KDM2B: variants seen among roughly 807,000 people sequenced by gnomAD.
KDM2B encodes the protein lysine-specific demethylase 2B.
Under a neutral mutation model 150.0 loss-of-function variants are expected in KDM2B, and 26 were observed. The ratio of observed to expected loss-of-function variants is 0.17; its 90% CI spans 0.13 to 0.24. KDM2B has a LOEUF of 0.24. KDM2B is among the 10% of genes least tolerant of loss of function. KDM2B has a pLI of 1.00. For synonymous variants in KDM2B, 734 were observed against 729.5 expected (o/e 1.01, Z -0.10); for missense variants, 1,265 against 1,816.9 (o/e 0.70, Z 5.52).
chr12:121,512,971 C>T (rs1023830259), intron 10 of KDM2B, among the ~76,000 whole-genome samples: 1 of 152,266 alleles, frequency 6.6e-6, no homozygotes, highest in Non-Finnish European at 1.5e-5. Flanking sequence ...CGAGGATTCT[C>T]TGCTCTGTGG....
intron 12 of KDM2B, among the ~76,000 whole-genome samples, chr12:121,457,735 A>AACACACAC (rs1215362738): frequency 8.8e-6 from 1 of 113,028 alleles, no homozygotes; most frequent in African/African-American, 3.6e-5. Context: ...GAAGATCGGA[A>AACACACAC]ACATACACAC....
In KDM2B at chr12:121,467,142, AC is replaced by A. The variant is rs1555294982; in HGVS notation, c.1735-13799del. 1.8e-6 allele frequency: 2 copies of A among 1,117,126 alleles called. No individual in the cohort carries two copies. Among genetic ancestry groups the A allele is most frequent in the Admixed American group, 3.9e-5 (1 of 25,804 alleles). 69.2% of individuals were successfully genotyped at this position (1,117,126 alleles called of 1,614,324 possible). On this transcript the variant is annotated intron_variant, in intron 12 of 22. Transcript: ENST00000377071. This position sits in a 1 kb window ranked among gnomAD's most constrained non-coding sequence, Gnocchi z 5.1. ...TGCGGCGGGTCCCTCCCTCAGCCCC[AC>A]CCCGGGCCGCCGACCTGGTCCGGCT...
intron 9 of KDM2B, chr12:121,516,694 G>A (rs1201639237): frequency 1.4e-5 from 9 of 627,318 alleles, no homozygotes; most frequent in South Asian, 3.9e-5. Flanking sequence ...CCCACTCAGC[G>A]GCACCTGGCC....
At position 121,467,709 on chromosome 12, in the gene KDM2B, C is replaced by T. The variant is rs1041478681; in HGVS notation, c.1735-14365G>A. 3 of 152,004 alleles carry T rather than the reference C, an allele frequency of 2.0e-5. No individual in the cohort carries two copies. Among genetic ancestry groups the T allele is most frequent in the Admixed American group, 2.0e-4 (3 of 15,278 alleles). 9.4% of individuals were successfully genotyped at this position (152,004 alleles called of 1,614,324 possible). On this transcript the variant is annotated intron_variant, in intron 12 of 22. Transcript: ENST00000377071. The surrounding 1 kb of genome is among the most constrained non-coding windows in gnomAD (Gnocchi z 5.1). ...ATGCGCGCCCGGCCTGGGGTGGGGT[C>T]CTTTGTGTGGTCCCGTGGGGCGTCT...
At chr12:121,486,971 GATACAAAAAA>G (rs1178855277) in intron 12 of KDM2B, among the ~76,000 whole-genome samples, 1 of 151,186 alleles carries the variant, frequency 6.6e-6, no homozygotes, top group African/African-American at 2.4e-5. Context: ...AGACCCCCCC[GATACAAAAAA>G]TAAACAAAAT....
chr12:121,467,132 C>A lies in KDM2B; in HGVS notation c.1735-13788G>T. The A allele has an allele frequency of 8.9e-7, 1 of 1,119,776 alleles. No individual in the cohort carries two copies. The highest frequency in any genetic ancestry group is 4.1e-5 in the Admixed American group (1 of 24,370). The allele number at this position is 1,119,776 out of a possible 1,614,324, so 69.4% of individuals were successfully genotyped here. On this transcript the variant is annotated intron_variant, in intron 12 of 22. Transcript: ENST00000377071. This position sits in a 1 kb window ranked among gnomAD's most constrained non-coding sequence, Gnocchi z 5.1. ...CGGGAGGTCGTGCGGCGGGTCCCTC[C>A]CTCAGCCCCACCCCGGGCCGCCGAC...
chr12:121,492,608 T>C (rs1883477350), intron 12 of KDM2B, among the ~76,000 whole-genome samples: 1 of 151,752 alleles, frequency 6.6e-6, no homozygotes, highest in Admixed American at 6.6e-5. Flanking sequence ...GCACCAGGCC[T>C]GTAATAAGTG....
chr12:121,494,434 C>CA, intron 12 of KDM2B, 145 bp downstream of exon 12: 1 of 601,614 alleles, frequency 1.7e-6, no homozygotes, highest in Non-Finnish European at 2.9e-6. Flanking sequence ...AAACATGGAA[C>CA]AAATCACCAA....
chr12:121,450,598 GCC>G (rs1566278847), intron 13 of KDM2B, among the ~76,000 whole-genome samples: 2 of 151,814 alleles, frequency 1.3e-5, no homozygotes, highest in African/African-American at 2.4e-5. Context: ...GGTGGCTCAC[GCC>G]TGTAATCCCA....
At position 121,437,260 on chromosome 12, in the gene KDM2B, A is replaced by G. The variant is rs113270169; in HGVS notation, c.3829+2597T>C. ...TTCAATTCTGTTGTACCATTTGCAT[A>G]GAAACTAAGCAAAATGAGGCAATTA... On this transcript the variant is annotated intron_variant, in intron 22 of 22. Coordinates refer to ENST00000377071, the MANE Select transcript of KDM2B (RefSeq NM_032590.5). Among the ~76,000 whole-genome samples the G allele has an allele frequency of 4.7e-3, 709 of 152,168 alleles. 4 individuals are homozygous for G. Among genetic ancestry groups the G allele is most frequent in the African/African-American group, 0.015 (635 of 41,524 alleles).
chr12:121,444,795 G>T, intron 14 of KDM2B: 1 of 548,946 alleles, frequency 1.8e-6, no homozygotes, highest in Non-Finnish European at 3.3e-6. Flanking sequence ...GTGGGCTGGT[G>T]CCCTCGGCCA....
At chr12:121,581,515 T>G (rs1012000386), upstream of KDM2B, among the ~76,000 whole-genome samples, 1 of 152,170 alleles carries the variant, frequency 6.6e-6, no homozygotes, top group Non-Finnish European at 1.5e-5. Flanking sequence ...CGACTTGGCT[T>G]GAGAAAAGCT....
At chr12:121,435,544 C>T (rs191791924) in intron 22 of KDM2B, among the ~76,000 whole-genome samples, 10 of 152,258 alleles carry the variant, frequency 6.6e-5, no homozygotes, top group African/African-American at 2.4e-4. Context: ...AAAATCTATT[C>T]AAGGAGCAGT....
At position 121,549,510 on chromosome 12, in the gene KDM2B, G is replaced by A. The variant is rs373043660; in HGVS notation, c.526C>T (p.Leu176=). The A allele has an allele frequency of 3.1e-6, 5 of 1,613,100 alleles. No homozygotes were observed. The highest frequency in any genetic ancestry group is 1.3e-5 in the African/African-American group (1 of 74,980). The change falls in exon 5 of 23, where the codon CTA becomes TTA. Residue 176 remains leucine (L), a synonymous_variant. Transcript: ENST00000377071. The surrounding 1 kb of genome is among the most constrained non-coding windows in gnomAD (Gnocchi z 4.4). ...TCCAGCTTGGTGTGGCTGAACTCTA[G>A]GCTGATGACGTTGTACAGCTTGTCC... ...QRDKLYNVIS[L]EFSHTKLEHL... is the part of the protein sequence containing the mutation.
intron 1 of KDM2B, chr12:121,580,238 A>C: frequency 6.6e-6 from 7 of 1,054,454 alleles, no homozygotes; most frequent in South Asian, 2.7e-5. Context: ...CTAGGAAACC[A>C]TTTTCAGCAG....
rs892910478 is a variant in KDM2B at position 121,518,455 on chromosome 12, G to C, written c.1047+2530C>G. ...CCCAGTCTGCCCCCAAGCCCCCGCT[G>C]CCAGCCTGCTTCGGTGAAACCAGAT... On this transcript the variant is annotated intron_variant, in intron 9 of 22. Coordinates refer to ENST00000377071, the MANE Select transcript of KDM2B (RefSeq NM_032590.5). The surrounding 1 kb of genome is among the most constrained non-coding windows in gnomAD (Gnocchi z 4.4). Among the ~76,000 whole-genome samples the C allele has an allele frequency of 6.6e-6, 1 of 152,200 alleles. No homozygotes were observed. The highest frequency in any genetic ancestry group is 6.5e-5 in the Admixed American group (1 of 15,274).
rs1227940037 is a variant in KDM2B, at chr12:121,518,515, C to T, written c.1047+2470G>A. Among the ~76,000 whole-genome samples the T allele has an allele frequency of 2.0e-5, 3 of 152,156 alleles. No homozygotes were observed. Among genetic ancestry groups the T allele is most frequent in the African/African-American group, 7.2e-5 (3 of 41,452 alleles). On this transcript the variant is annotated intron_variant, in intron 9 of 22. Transcript: ENST00000377071. The surrounding 1 kb of genome is among the most constrained non-coding windows in gnomAD (Gnocchi z 4.4). ...ACTCAGGGGAAGGGACAGTAGGCCC[C>T]GGTGGGGGAGGGGACCTGCCATTCT...
At chr12:121,487,661 C>T (rs1398986832) in intron 12 of KDM2B, among the ~76,000 whole-genome samples, 1 of 152,164 alleles carries the variant, frequency 6.6e-6, no homozygotes, top group African/African-American at 2.4e-5. Context: ...TACCCTGACC[C>T]AGTAGAGAAC....
At chr12:121,571,939 C>T (rs1430044860) in intron 4 of KDM2B, among the ~76,000 whole-genome samples, 1 of 152,144 alleles carries the variant, frequency 6.6e-6, no homozygotes, top group Non-Finnish European at 1.5e-5. Context: ...GCATGAGCCA[C>T]GGCGCCCAGC....
Sources: allele counts gnomAD v4.1 joint callset (sites outside exome capture counted in the v4.1 genomes callset), GRCh38; gene constraint gnomAD v4.1.1; non-coding constraint Gnocchi (gnomAD v3.1); transcripts MANE v1.5; gene names NCBI Gene and HGNC (gene_info 2026-07-23, HGNC 2026-07-21).